Variants in INTS6L observed in about 807,000 individuals in gnomAD.
INTS6L encodes integrator complex subunit 6-like.
INTS6L carries 18 observed loss-of-function variants against 64.7 expected under a neutral mutation model. The observed-to-expected ratio is 0.28, with a 90% CI of 0.19 to 0.41. The LOEUF (loss-of-function observed/expected upper bound fraction) is 0.41, where lower values mean the gene tolerates loss of function less well. INTS6L is among the 10% of genes least tolerant of loss of function. The pLI, the probability that INTS6L is intolerant of heterozygous loss-of-function variation, is 1.00. For synonymous variants in INTS6L, 227 were observed against 235.9 expected (o/e 0.96, Z 0.34); for missense variants, 533 against 661.0 (o/e 0.81, Z 2.12).
chrX:135,523,814 T>C (rs1338538040), intron 2 of INTS6L, among the ~76,000 whole-genome samples: 2 of 112,396 alleles, frequency 1.8e-5, no homozygotes, highest in Non-Finnish European at 3.8e-5. Flanking sequence ...CCATCTTATA[T>C]ACTACATTTT....
At chrX:135,573,460 C>T (rs1167918444) in intron 12 of INTS6L, among the ~76,000 whole-genome samples, 1 of 112,959 alleles carries the variant, frequency 8.9e-6, no homozygotes, top group African/African-American at 3.2e-5. Flanking sequence ...TAACACCCTG[C>T]CATTGTCTGT....
intron 13 of INTS6L, 129 bp from the exon 14 acceptor site, chrX:135,574,955 T>G (rs2087183063): frequency 1.5e-6 from 1 of 649,722 alleles, no homozygotes; most frequent in African/African-American, 2.2e-5. Context: ...CCTAGAATGC[T>G]AGATTCGAGA....
intron 9 of INTS6L, among the ~76,000 whole-genome samples, chrX:135,556,508 T>A (rs972101227): frequency 8.9e-6 from 1 of 111,854 alleles, no homozygotes; most frequent in Admixed American, 9.5e-5. Flanking sequence ...GTGATTCTTA[T>A]GCTTGTTCTT....
rs868994819 is a variant in INTS6L at position 135,553,484 on chromosome X, T to C, written c.1059+1338T>C. ...CAATTCCTGGCTAATTTTTTAAATTTTTTTTTTTTTTTTTTTTTTTAGAGA... is the reference window on the plus strand; with the variant it reads ...CAATTCCTGGCTAATTTTTTAAATTCTTTTTTTTTTTTTTTTTTTTAGAGA... On this transcript the variant is annotated intron_variant, in intron 8 of 17. Coordinates refer to ENST00000639893, the MANE Select transcript of INTS6L (RefSeq NM_001351601.3). Among the ~76,000 whole-genome samples the C allele has an allele frequency of 2.1e-3, 206 of 95,843 alleles. 21 individuals carry two copies. Among genetic ancestry groups the C allele is most frequent in the Middle Eastern group, 5.2e-3 (1 of 191 alleles). The allele number at this position is 95,843 out of a possible 115,157, so 83.2% of individuals were successfully genotyped here.
chrX:135,544,092 T>G (rs1276428456), intron 2 of INTS6L, among the ~76,000 whole-genome samples: 1 of 112,266 alleles, frequency 8.9e-6, no homozygotes, highest in Non-Finnish European at 1.9e-5. Context: ...TTATGCAGGT[T>G]GTGTTCTGTT....
At chrX:135,559,130 TA>T (rs1556520847) in intron 9 of INTS6L, among the ~76,000 whole-genome samples, 2 of 111,933 alleles carry the variant, frequency 1.8e-5, no homozygotes, top group African/African-American at 6.5e-5. Flanking sequence ...AACACAGAAA[TA>T]TCCTATGTAC....
chrX:135,576,873 T>C (rs782199544), intron 14 of INTS6L, among the ~76,000 whole-genome samples: 2 of 112,575 alleles, frequency 1.8e-5, no homozygotes, highest in Non-Finnish European at 3.7e-5. Flanking sequence ...TTGCAAACTT[T>C]CTGATTAATC....
At chrX:135,573,783 A>G (rs922775921) in intron 12 of INTS6L, among the ~76,000 whole-genome samples, 156 bp from the exon 13 acceptor site, 1 of 112,610 alleles carries the variant, frequency 8.9e-6, no homozygotes, top group African/African-American at 3.2e-5. Flanking sequence ...AATGCAGAAC[A>G]AGGCTAGCAA....
Position 135,520,870 on chromosome X carries a change from C to T in INTS6L, c.-123C>T. 1.4e-6 allele frequency: 1 copy of T among 717,896 alleles called. No individual in the cohort carries two copies. Among genetic ancestry groups the T allele is most frequent in the Admixed American group, 2.5e-5 (1 of 39,488 alleles). 59.2% of individuals were successfully genotyped at this position (717,896 alleles called of 1,213,427 possible). On this transcript the variant is annotated 5_prime_UTR_variant, in exon 1 of 18. Transcript: ENST00000639893. Reference sequence around the variant, plus strand: ...CATCCGTCCCGTCCCGTCCCGTCTCCCCCTCTTCCTCTTGCTCCTTGCTCC... The same window carrying T: ...CATCCGTCCCGTCCCGTCCCGTCTCTCCCTCTTCCTCTTGCTCCTTGCTCC...
intron 9 of INTS6L, among the ~76,000 whole-genome samples, chrX:135,565,316 T>A (rs1459623483): frequency 1.8e-5 from 2 of 111,847 alleles, no homozygotes; most frequent in African/African-American, 6.5e-5. Flanking sequence ...TTTCAGGTAA[T>A]GGAGGTCAGA....
intron 7 of INTS6L, among the ~76,000 whole-genome samples, chrX:135,550,311 G>T (rs1404953150): frequency 2.7e-5 from 3 of 111,732 alleles, no homozygotes; most frequent in African/African-American, 9.8e-5. Context: ...ACCTTTCAAT[G>T]ATGGGTAATT....
chrX:135,567,618 T>A (rs2148662063), intron 9 of INTS6L, among the ~76,000 whole-genome samples: 1 of 112,240 alleles, frequency 8.9e-6, no homozygotes, highest in African/African-American at 3.2e-5. Context: ...AATCTATTTA[T>A]ATCTAAAAGT....
intron 2 of INTS6L, among the ~76,000 whole-genome samples, chrX:135,527,331 A>G (rs2085766949): frequency 8.9e-6 from 1 of 112,466 alleles, no homozygotes; most frequent in African/African-American, 3.2e-5. Context: ...TCTCCTCTGC[A>G]CCAGGCTCTG....
In INTS6L at chrX:135,550,504, C is replaced by T. The variant is rs1270520967; in HGVS notation, c.906+699C>T. Among the ~76,000 whole-genome samples, 3 of 101,174 alleles carry T rather than the reference C, an allele frequency of 3.0e-5. No individual in the cohort carries two copies. In the East Asian group the frequency reaches 9.6e-4, roughly 32 times the overall value. 87.9% of individuals were successfully genotyped at this position (101,174 alleles called of 115,157 possible). On this transcript the variant is annotated intron_variant, in intron 7 of 17. Transcript: ENST00000639893. ...CGGTATGAAACCCACTCTCTTTTGT[C>T]TTCTTTCCCCTTCCCCAAATTGTAA... is the stretch of plus-strand genomic sequence containing the variant.
At chrX:135,568,417 T>G (rs1442362705) in intron 9 of INTS6L, among the ~76,000 whole-genome samples, 1 of 110,768 alleles carries the variant, frequency 9.0e-6, no homozygotes, top group Non-Finnish European at 1.9e-5. Flanking sequence ...ACCCAATGAC[T>G]TTAGGTCAGT....
chrX:135,536,211 T>C (rs1008613150), intron 2 of INTS6L, among the ~76,000 whole-genome samples: 1 of 112,247 alleles, frequency 8.9e-6, no homozygotes. Flanking sequence ...ATTCATAACG[T>C]ACAAGGATTC....
In INTS6L at chrX:135,581,031, T is replaced by C; in HGVS notation, c.2495-19T>C. 1 of 1,086,389 alleles carries C rather than the reference T, an allele frequency of 9.2e-7. No individual in the cohort carries two copies. The highest frequency in any genetic ancestry group is 1.2e-6 in the Non-Finnish European group (1 of 820,404). The allele number at this position is 1,086,389 out of a possible 1,213,427, so 89.5% of individuals were successfully genotyped here. On this transcript the variant is annotated intron_variant, in intron 16 of 17. Coordinates refer to ENST00000639893, the MANE Select transcript of INTS6L (RefSeq NM_001351601.3). ...ATTCATCTTTATAAAAATACTGAAG[T>C]TTTTTTAAATATCTTCAGAATATGA...
At chrX:135,576,845 T>A (rs782486231) in intron 14 of INTS6L, among the ~76,000 whole-genome samples, 1 of 112,766 alleles carries the variant, frequency 8.9e-6, no homozygotes, top group Non-Finnish European at 1.9e-5. Context: ...CTCCTTTTGG[T>A]TGAATAATGC....
chrX:135,543,134 C>T (rs907140512), intron 2 of INTS6L, among the ~76,000 whole-genome samples: 6 of 111,363 alleles, frequency 5.4e-5, no homozygotes, highest in East Asian at 2.8e-4. Flanking sequence ...AGCCTCCCCT[C>T]CACCCCACAA....
Sources: gnomAD v4.1 joint callset for allele counts (sites outside exome capture counted in the v4.1 genomes callset) on GRCh38, gnomAD v4.1.1 for gene constraint, MANE v1.5 for transcripts, NCBI Gene and HGNC (gene_info 2026-07-23, HGNC 2026-07-21) for gene names.